The following CCNY variants were observed in gnomAD, a reference collection of about 807,000 sequenced individuals.
CCNY encodes cyclin-Y.
A neutral mutation model predicts 42.8 loss-of-function variants in CCNY; 19 were observed. The ratio of observed to expected loss-of-function variants is 0.44; its 90% CI spans 0.31 to 0.65. The LOEUF (loss-of-function observed/expected upper bound fraction) is 0.65, where lower values mean the gene tolerates loss of function less well. Ranked by LOEUF, CCNY falls within the 30% of genes least tolerant of loss-of-function variation. The pLI is 0.07. For synonymous variants in CCNY, 165 were observed against 162.7 expected (o/e 1.01, Z -0.11); for missense variants, 370 against 437.3 (o/e 0.85, Z 1.37).
At chr10:35,273,703 C>A (rs764185111) in intron 3 of CCNY, among the ~76,000 whole-genome samples, 1 of 152,146 alleles carries the variant, frequency 6.6e-6, no homozygotes, top group Admixed American at 6.6e-5. Flanking sequence ...CAGACAACAT[C>A]AACTCTCGCG....
intron 1 of CCNY, among the ~76,000 whole-genome samples, chr10:35,377,845 A>G (rs866871186): frequency 2.4e-4 from 36 of 152,230 alleles, no homozygotes; most frequent in African/African-American, 8.4e-4. Flanking sequence ...CATTTCTATT[A>G]TATCTTTAAT....
At chr10:35,491,423 C>G (rs1294808890) in intron 2 of CCNY, among the ~76,000 whole-genome samples, 1 of 152,118 alleles carries the variant, frequency 6.6e-6, no homozygotes, top group Non-Finnish European at 1.5e-5. Flanking sequence ...TCTCTTGAGC[C>G]AGCCTCTTCC....
intron 1 of CCNY, among the ~76,000 whole-genome samples, chr10:35,451,370 A>G (rs576012840): frequency 1.2e-4 from 18 of 152,290 alleles, no homozygotes; most frequent in African/African-American, 4.3e-4. Context: ...TTCTTCATGT[A>G]TACTTGGGCA....
intron 3 of CCNY, chr10:35,316,248 C>T (rs1446007998): frequency 6.6e-6 from 1 of 152,160 alleles, no homozygotes; most frequent in Non-Finnish European, 1.5e-5. Context: ...GCTAGAGATA[C>T]AGAGCAGGTG....
At chr10:35,446,255 A>G (rs2135304838) in intron 1 of CCNY, among the ~76,000 whole-genome samples, 1 of 152,356 alleles carries the variant, frequency 6.6e-6, no homozygotes, top group Admixed American at 6.5e-5. Context: ...TCGATTCCAC[A>G]GTACAATACT....
rs116167907 is a variant in CCNY, at chr10:35,490,208, C to A, written c.229+6730C>A. Among the ~76,000 whole-genome samples, 1,068 of 152,318 alleles carry A rather than the reference C, an allele frequency of 7.0e-3. 11 individuals are homozygous for A. The highest frequency in any genetic ancestry group is 0.025 in the African/African-American group (1,019 of 41,554). On this transcript the variant is annotated intron_variant, in intron 2 of 9. Transcript: ENST00000374704. The stretch of plus-strand genomic sequence containing the variant: ...TCTCTTTTGATTTAAATATATTTTC[C>A]TCAGAATGCTACAGGTTCTTCATAT...
At chr10:35,389,731 C>T (rs1307002458) in intron 1 of CCNY, among the ~76,000 whole-genome samples, 1 of 152,102 alleles carries the variant, frequency 6.6e-6, no homozygotes, top group East Asian at 1.9e-4. Context: ...GCCATCACAC[C>T]CGGCTGAGAA....
chr10:35,379,221 G>A (rs757544045), intron 1 of CCNY, among the ~76,000 whole-genome samples: 18 of 152,214 alleles, frequency 1.2e-4, no homozygotes, highest in Non-Finnish European at 1.9e-4. Context: ...TCTTGAGAGA[G>A]CAGGGAAAGG....
At chr10:35,540,953 C>T (rs953656934) in intron 7 of CCNY, among the ~76,000 whole-genome samples, 1 of 151,912 alleles carries the variant, frequency 6.6e-6, no homozygotes, top group African/African-American at 2.4e-5. Flanking sequence ...GTTGTTTTTT[C>T]CAAGGAATCG....
At chr10:35,369,344 T>C (rs1836879656) in intron 1 of CCNY, among the ~76,000 whole-genome samples, 1 of 152,172 alleles carries the variant, frequency 6.6e-6, no homozygotes, top group Non-Finnish European at 1.5e-5. Flanking sequence ...GGCATGAACA[T>C]TGTTTGGTTT....
intron 3 of CCNY, among the ~76,000 whole-genome samples, chr10:35,331,317 C>T (rs1835940985): frequency 6.6e-6 from 1 of 152,190 alleles, no homozygotes; most frequent in East Asian, 1.9e-4. Flanking sequence ...AAGGATCCCA[C>T]ATATATATAC....
intron 7 of CCNY, among the ~76,000 whole-genome samples, chr10:35,540,160 A>G (rs1372381153): frequency 6.6e-6 from 1 of 152,208 alleles, no homozygotes; most frequent in Non-Finnish European, 1.5e-5. Flanking sequence ...ATTAGGTGTG[A>G]AGCTTTCCAT....
intron 1 of CCNY, among the ~76,000 whole-genome samples, chr10:35,397,634 G>T (rs546306080): frequency 2.0e-5 from 3 of 152,288 alleles, no homozygotes; most frequent in Non-Finnish European, 4.4e-5. Context: ...GGTACCAAAT[G>T]AACCCTGTCC....
chr10:35,370,453 T>A (rs1445095576), intron 1 of CCNY, among the ~76,000 whole-genome samples: 3 of 151,884 alleles, frequency 2.0e-5, no homozygotes, highest in Non-Finnish European at 2.9e-5. Flanking sequence ...GCCCGGCCGT[T>A]CCTCATCCAT....
At chr10:35,391,253 A>G (rs1163223047) in intron 1 of CCNY, among the ~76,000 whole-genome samples, 1 of 152,154 alleles carries the variant, frequency 6.6e-6, no homozygotes, top group Non-Finnish European at 1.5e-5. Flanking sequence ...CCTATTGGCT[A>G]GGGTTGGACC....
At chr10:35,552,498 A>C (rs1467810452) in intron 7 of CCNY, among the ~76,000 whole-genome samples, 1 of 152,252 alleles carries the variant, frequency 6.6e-6, no homozygotes, top group Non-Finnish European at 1.5e-5. Context: ...CAGAAACAAC[A>C]CAACAGTGTG....
chr10:35,278,638 A>G (rs1296725057), intron 3 of CCNY, among the ~76,000 whole-genome samples: 1 of 152,230 alleles, frequency 6.6e-6, no homozygotes, highest in African/African-American at 2.4e-5. Context: ...TGCAAGTTCA[A>G]CTAAAGCTTT....
At chr10:35,324,851 C>T (rs1361232273) in intron 3 of CCNY, among the ~76,000 whole-genome samples, 1 of 152,132 alleles carries the variant, frequency 6.6e-6, no homozygotes, top group Admixed American at 6.5e-5. Context: ...ATTTATCCTT[C>T]ATAAAGGATA....
chr10:35,554,682 C>G (rs1220274635), intron 8 of CCNY, among the ~76,000 whole-genome samples: 2 of 152,124 alleles, frequency 1.3e-5, no homozygotes, highest in Non-Finnish European at 2.9e-5. Flanking sequence ...AGGTGGTGCT[C>G]AGGTTCTGTG....
Sources: gnomAD v4.1 joint callset for allele counts (sites outside exome capture counted in the v4.1 genomes callset) on GRCh38, gnomAD v4.1.1 for gene constraint, MANE v1.5 for transcripts, NCBI Gene and HGNC (gene_info 2026-07-23, HGNC 2026-07-21) for gene names.